CAPN15: variants seen among roughly 807,000 people sequenced by gnomAD.
CAPN15 encodes calpain-15.
A neutral mutation model predicts 97.9 loss-of-function variants in CAPN15; 53 were observed. The ratio of observed to expected loss-of-function variants is 0.54; its 90% CI spans 0.43 to 0.68. The LOEUF (loss-of-function observed/expected upper bound fraction) is 0.68. Among genes scored for constraint, CAPN15 ranks in the 30% least tolerant of loss-of-function variants. CAPN15 has a pLI of 0.00. For missense variants in CAPN15, 1,592 were observed against 1,589.8 expected (o/e 1.00, Z -0.02); for synonymous variants, 922 against 722.5 (o/e 1.28, Z -4.43).
rs184229044 is a variant in CAPN15 at position 533,018 on chromosome 16, C to T, written c.-189-928C>T. Among the ~76,000 whole-genome samples, 433 of 151,862 alleles carry T rather than the reference C, an allele frequency of 2.9e-3. 3 individuals are homozygous for T. Among genetic ancestry groups the T allele is most frequent in the African/African-American group, 9.9e-3 (412 of 41,418 alleles). ...GGTGGATCACCTGAGGTCTGGAGTTCGAGACCAGCCTGACCAACATGGTGA... is the reference window on the plus strand; with the variant it reads ...GGTGGATCACCTGAGGTCTGGAGTTTGAGACCAGCCTGACCAACATGGTGA... On this transcript the variant is annotated intron_variant, in intron 1 of 13. Coordinates refer to ENST00000219611, the MANE Select transcript of CAPN15 (RefSeq NM_005632.3).
intron 7 of CAPN15, among the ~76,000 whole-genome samples, chr16:550,699 C>CT (rs2034937720): frequency 6.7e-6 from 1 of 148,854 alleles, no homozygotes; most frequent in African/African-American, 2.5e-5. Flanking sequence ...GTGAGGGTCC[C>CT]GGTCGGTGAG....
Position 552,801 on chromosome 16 carries a change from T to TGGGGGGGGGG in CAPN15, c.2904+34_2904+35insGGGGGGGGGG. 1 of 1,504,542 alleles carries TGGGGGGGGGG rather than the reference T, an allele frequency of 6.6e-7. No individual in the cohort carries two copies. The allele number at this position is 1,504,542 out of a possible 1,614,324, so 93.2% of individuals were successfully genotyped here. On this transcript the variant is annotated intron_variant, in intron 12 of 13. Transcript: ENST00000219611. The surrounding 1 kb of genome is among the most constrained non-coding windows in gnomAD (Gnocchi z 6.4). ...GTGGGGGTCCCGGGGGAGGGTGGCG[T>TGGGGGGGGGG]GGGGCAGGGGGAGTATGCCCCAGCA...
intron 3 of CAPN15, among the ~76,000 whole-genome samples, chr16:545,382 G>A (rs990900265): frequency 6.6e-6 from 1 of 152,054 alleles, no homozygotes; most frequent in Non-Finnish European, 1.5e-5. Flanking sequence ...TCGGCCCACC[G>A]AGAGAGGCCG....
chr16:528,823 T>C (rs975068797), intron 1 of CAPN15: 1 of 928,792 alleles, frequency 1.1e-6, no homozygotes, highest in African/African-American at 1.8e-5. Flanking sequence ...TGCTGAAGAG[T>C]TGTGTGCTTC....
chr16:553,464 G>A lies in CAPN15; in HGVS notation c.3209G>A (p.Ser1070Asn). The stretch of plus-strand genomic sequence containing the variant: ...TGGACAGCCTCCAAGGGGACCCACA[G>A]CCCCCCACTCACGCCAGAGGTCGCC... ...SDWTASKGTH[S>N]PPLTPEVAGL... The change falls in exon 14 of 14, where the codon AGC becomes AAC. Residue 1070 changes from serine (S) to asparagine (N), a missense_variant. This residue lies in a region of CAPN15 where 644 missense variants were observed against 699.6 expected (regional missense o/e 0.92). Transcript: ENST00000219611. 4 of 1,610,974 alleles carry A rather than the reference G, an allele frequency of 2.5e-6. No homozygotes were observed. Among genetic ancestry groups the A allele is most frequent in the Non-Finnish European group, 2.5e-6 (3 of 1,179,102 alleles).
intron 3 of CAPN15, among the ~76,000 whole-genome samples, chr16:543,067 C>A (rs1160612060): frequency 2.0e-5 from 3 of 151,938 alleles, no homozygotes; most frequent in Non-Finnish European, 4.4e-5. Flanking sequence ...AAAATACAAA[C>A]CCTGAGCTTG....
chr16:534,776 G>A (rs1277172930), intron 2 of CAPN15, among the ~76,000 whole-genome samples: 5 of 152,182 alleles, frequency 3.3e-5, no homozygotes, highest in Admixed American at 1.3e-4. Context: ...TGGACACAGG[G>A]GCCCCCGCTT....
intron 2 of CAPN15, among the ~76,000 whole-genome samples, chr16:534,655 C>T (rs1380691721): frequency 2.0e-5 from 3 of 152,220 alleles, no homozygotes; most frequent in Non-Finnish European, 1.5e-5. Flanking sequence ...AGCTTCGTCC[C>T]GGTAGTGGCT....
At chr16:543,348 C>A (rs1467714415) in intron 3 of CAPN15, 1 of 154,328 alleles carries the variant, frequency 6.5e-6, no homozygotes, top group Non-Finnish European at 1.5e-5. Flanking sequence ...TGGCCTGGGA[C>A]TACCGGGGGT....
intron 7 of CAPN15, among the ~76,000 whole-genome samples, chr16:550,982 TGGTGAGGGTCCCGGTC>T (rs2035001387): frequency 1.6e-4 from 2 of 12,160 alleles, no homozygotes; most frequent in Non-Finnish European, 3.0e-4. Context: ...GGTCCCCTGT[TGGTGAGGGTCCCGGTC>T]GGTGAGGGTC....
chr16:551,922 G>A, intron 9 of CAPN15, 129 bp from the exon 10 acceptor site: 3 of 1,129,642 alleles, frequency 2.7e-6, no homozygotes, highest in Non-Finnish European at 3.9e-6. Context: ...CCGGGGGCCG[G>A]GCTGCAAGAG....
At chr16:548,314 G>T in intron 4 of CAPN15, 27 bp downstream of exon 4, 1 of 1,444,276 alleles carries the variant, frequency 6.9e-7, no homozygotes, top group Non-Finnish European at 9.1e-7. Context: ...CCCTCTTCCT[G>T]CTCCTGAGCC....
chr16:551,813 G>A (rs1351269260), intron 9 of CAPN15, 149 bp downstream of exon 9: 3 of 1,109,808 alleles, frequency 2.7e-6, no homozygotes, highest in Non-Finnish European at 2.6e-6. Flanking sequence ...GCTCCAAGGT[G>A]CCAACCTCAG....
At chr16:545,801 G>A (rs1433418724) in intron 3 of CAPN15, among the ~76,000 whole-genome samples, 1 of 152,200 alleles carries the variant, frequency 6.6e-6, no homozygotes, top group East Asian at 1.9e-4. Context: ...TCCCGGAGTG[G>A]GGGCTGCAAA....
chr16:544,506 G>GC (rs1433401923), intron 3 of CAPN15, among the ~76,000 whole-genome samples: 1 of 152,146 alleles, frequency 6.6e-6, no homozygotes, highest in African/African-American at 2.4e-5. Flanking sequence ...TGCTGTCCCG[G>GC]CTGCTTCAGG....
Position 549,641 on chromosome 16 carries a change from C to T in CAPN15, c.1869C>T (p.Ala623=), listed in dbSNP as rs1274713747. The T allele has an allele frequency of 6.4e-7, 1 of 1,553,846 alleles. No homozygotes were observed. Among genetic ancestry groups the T allele is most frequent in the Non-Finnish European group, 8.7e-7 (1 of 1,154,998 alleles). The change falls in exon 7 of 14, where the codon GCC becomes GCT. Residue 623 remains alanine, a synonymous_variant. Transcript: ENST00000219611. ...SQAQRKQLWV[A]LIEKALAKLH... ...CGCAGCGGAAGCAGCTGTGGGTGGC[C>T]CTCATCGAGAAGGCGCTGGCCAAGC...
At position 552,144 on chromosome 16, in the gene CAPN15, G is replaced by A. The variant is rs531252167; in HGVS notation, c.2439G>A (p.Val813=). 222 of 1,547,296 alleles carry A rather than the reference G, an allele frequency of 1.4e-4. No individual in the cohort carries two copies. Among genetic ancestry groups the A allele is most frequent in the Non-Finnish European group, 1.9e-4 (214 of 1,145,964 alleles). ...TTCCCAGCTCGGCCAGCGCGCCCGTGGGGGTAACAGCGCTCACGGTGCTGG... is the reference window on the plus strand; with the variant it reads ...TTCCCAGCTCGGCCAGCGCGCCCGTAGGGGTAACAGCGCTCACGGTGCTGG... The part of the protein sequence containing the change: ...GCFPSSASAP[V]GVTALTVLER... Residue 813 remains valine (V), a synonymous_variant, in exon 10 of 14, where the codon GTG becomes GTA. Coordinates refer to ENST00000219611, the MANE Select transcript of CAPN15 (RefSeq NM_005632.3). The surrounding 1 kb of genome is among the most constrained non-coding windows in gnomAD (Gnocchi z 6.4).
chr16:551,152 G>C (rs1211505253), intron 7 of CAPN15, 150 bp from the exon 8 acceptor site: 134 of 1,303,314 alleles, frequency 1.0e-4, no homozygotes, highest in Non-Finnish European at 1.3e-4. Flanking sequence ...GGTCGGTGAG[G>C]GCGCCCCGTC....
intron 3 of CAPN15, among the ~76,000 whole-genome samples, chr16:546,488 C>G (rs1332944601): frequency 1.3e-5 from 2 of 152,194 alleles, no homozygotes; most frequent in African/African-American, 4.8e-5. Context: ...GGCCGGGACC[C>G]CCTGCTATCT....
Sources: allele counts gnomAD v4.1 joint callset (sites outside exome capture counted in the v4.1 genomes callset), GRCh38; gene constraint gnomAD v4.1.1; regional missense constraint gnomAD v4.1.1; non-coding constraint Gnocchi (gnomAD v3.1); transcripts MANE v1.5; gene names NCBI Gene and HGNC (gene_info 2026-07-23, HGNC 2026-07-21).